NAP1L4: variants seen among roughly 807,000 people sequenced by gnomAD.
The protein encoded by NAP1L4 is nucleosome assembly protein 1 like 4.
Under a neutral mutation model 58.2 loss-of-function variants are expected in NAP1L4, and 15 were observed. That is an observed-to-expected ratio of 0.26 (90% confidence interval 0.17 to 0.40). The LOEUF is 0.40. Among genes scored for constraint, NAP1L4 ranks in the 10% least tolerant of loss-of-function variants. The pLI, the probability that NAP1L4 is intolerant of heterozygous loss-of-function variation, is 1.00. For missense variants in NAP1L4, 384 were observed against 451.1 expected (o/e 0.85, Z 1.35); for synonymous variants, 171 against 155.6 (o/e 1.10, Z -0.74).
At chr11:2,972,833 T>C (rs779694770) in intron 4 of NAP1L4, among the ~76,000 whole-genome samples, 4 of 152,090 alleles carry the variant, frequency 2.6e-5, no homozygotes, top group African/African-American at 4.8e-5. Context: ...TAGCAAGGCA[T>C]GATGGTGTGC....
rs1009293147 is a variant in NAP1L4 at position 2,965,262 on chromosome 11, T to C, written c.535-511A>G. Among the ~76,000 whole-genome samples, 6 of 152,210 alleles carry C rather than the reference T, an allele frequency of 3.9e-5. No individual in the cohort carries two copies. In the South Asian group the frequency reaches 8.3e-4, roughly 21 times the overall value. On this transcript the variant is annotated intron_variant, in intron 7 of 15. Transcript: ENST00000380542. The stretch of plus-strand genomic sequence containing the variant: ...ATGGGGGCACCTCCTGAGAAACACA[T>C]TGTTAGGCAATTCGGCGTGTGTTCA...
At chr11:2,992,093 T>TGCCCCGACCAGAACGCG (rs1206756225) in intron 1 of NAP1L4, 161 bp downstream of exon 1, 2 of 151,234 alleles carry the variant, frequency 1.3e-5, no homozygotes, top group Non-Finnish European at 1.5e-5. Context: ...CGCCGCTGCC[T>TGCCCCGACCAGAACGCG]GCCCCGACCA....
At chr11:2,978,148 G>T in intron 3 of NAP1L4, 136 bp downstream of exon 3, 1 of 756,490 alleles carries the variant, frequency 1.3e-6, no homozygotes, top group South Asian at 1.8e-5. Context: ...ATGAGATACT[G>T]ATTTTTCATT....
At position 2,969,912 on chromosome 11, in the gene NAP1L4, A is replaced by G; in HGVS notation, c.425T>C (p.Val142Ala). The G allele has an allele frequency of 6.2e-7, 1 of 1,613,100 alleles. No individual in the cohort carries two copies. The highest frequency in any genetic ancestry group is 1.1e-5 in the South Asian group (1 of 90,820). The change falls in exon 7 of 16, where the codon GTC (valine) becomes GCC (alanine). Residue 142 changes from valine (V) to alanine (A), a missense_variant. By Grantham distance (64) the Val-to-Ala change is moderately conservative. This residue lies in a region of NAP1L4 where 296 missense variants were observed against 360.8 expected (regional missense o/e 0.82). Transcript: ENST00000380542. Reference sequence around the variant, plus strand: ...CGTTGCCGCTGCTTTTTCTGTGACGACTACTTTACTTTTCATGTCTCCCTA... The same window carrying G: ...CGTTGCCGCTGCTTTTTCTGTGACGGCTACTTTACTTTTCATGTCTCCCTA... ...KLAGDMKSKV[V>A]VTEKAAATAE...
At chr11:2,979,275 A>G in intron 1 of NAP1L4, 38 bp from the exon 2 acceptor site, 2 of 1,540,864 alleles carry the variant, frequency 1.3e-6, no homozygotes, top group Non-Finnish European at 1.8e-6. Flanking sequence ...TATATTCATA[A>G]GCAAAAATGT....
At chr11:2,985,457 A>T (rs1848563379) in intron 1 of NAP1L4, among the ~76,000 whole-genome samples, 1 of 152,260 alleles carries the variant, frequency 6.6e-6, no homozygotes, top group Non-Finnish European at 1.5e-5. Context: ...CACAGCCCGA[A>T]GACTCATCCA....
At chr11:2,970,858 CA>C (rs58552553) in intron 6 of NAP1L4, among the ~76,000 whole-genome samples, 39 of 110,460 alleles carry the variant, frequency 3.5e-4, no homozygotes, top group African/African-American at 8.3e-4. Context: ...ACCCCCCCCC[CA>C]AAAAAAAAAC....
intron 1 of NAP1L4, chr11:2,991,258 G>A (rs1209826022): frequency 2.4e-6 from 1 of 415,664 alleles, no homozygotes; most frequent in Admixed American, 2.6e-5. Flanking sequence ...AGAGAACTGT[G>A]GACGGTGGAA....
At position 2,959,652 on chromosome 11, in the gene NAP1L4, A is replaced by T; in HGVS notation, c.746+118T>A. Reference sequence around the variant, plus strand: ...TGAAATATACATCTACCAGGCTTTTAGGCTTTTAAGCAGACTCAAGACTGT... The same window carrying T: ...TGAAATATACATCTACCAGGCTTTTTGGCTTTTAAGCAGACTCAAGACTGT... On this transcript the variant is annotated intron_variant, in intron 9 of 15. Transcript: ENST00000380542. The surrounding 1 kb of genome is among the most constrained non-coding windows in gnomAD (Gnocchi z 4.9). 1.7e-6 allele frequency: 2 copies of T among 1,202,544 alleles called. No individual in the cohort carries two copies. The highest frequency in any genetic ancestry group is 2.3e-6 in the Non-Finnish European group (2 of 865,070). The allele number at this position is 1,202,544 out of a possible 1,614,324, so 74.5% of individuals were successfully genotyped here.
intron 1 of NAP1L4, chr11:2,991,266 G>C (rs1274098453): frequency 2.5e-6 from 1 of 407,266 alleles, no homozygotes; most frequent in Non-Finnish European, 5.1e-6. Context: ...GTGGACGGTG[G>C]AAAGTCTTAT....
rs1174785495 is a variant in NAP1L4, at chr11:2,946,790, G to A, written c.*33-1144C>T. Among the ~76,000 whole-genome samples, 11 of 152,196 alleles carry A rather than the reference G, an allele frequency of 7.2e-5. No homozygotes were observed. Among genetic ancestry groups the A allele is most frequent in the Non-Finnish European group, 1.5e-4 (10 of 68,032 alleles). ...AAAGAGCCTGGCCAAGACAAAACGAGGCTGACCAAAAACCCTCGCCATGTC... is the reference window on the plus strand; with the variant it reads ...AAAGAGCCTGGCCAAGACAAAACGAAGCTGACCAAAAACCCTCGCCATGTC... On this transcript the variant is annotated intron_variant, in intron 15 of 15. Coordinates refer to ENST00000380542, the MANE Select transcript of NAP1L4 (RefSeq NM_005969.4). This position sits in a 1 kb window ranked among gnomAD's most constrained non-coding sequence, Gnocchi z 4.8.
intron 3 of NAP1L4, 104 bp from the exon 4 acceptor site, chr11:2,976,227 A>T (rs1269817004): frequency 2.7e-6 from 2 of 739,934 alleles, no homozygotes; most frequent in Non-Finnish European, 4.4e-6. Context: ...CTAGATTTAC[A>T]TCTACTAATT....
chr11:2,955,684 T>G lies in NAP1L4; in HGVS notation c.915+60A>C. On this transcript the variant is annotated intron_variant, in intron 11 of 15. Transcript: ENST00000380542. The surrounding 1 kb of genome is among the most constrained non-coding windows in gnomAD (Gnocchi z 4.2). ...GGACTTTTTTTAACAAGTAGACAAGTAGACATTCACTCAGGAGAGACTTCA... is the reference window on the plus strand; with the variant it reads ...GGACTTTTTTTAACAAGTAGACAAGGAGACATTCACTCAGGAGAGACTTCA... The G allele has an allele frequency of 1.3e-6, 2 of 1,535,740 alleles. No homozygotes were observed. Among genetic ancestry groups the G allele is most frequent in the African/African-American group, 2.8e-5 (2 of 72,680 alleles).
In NAP1L4 at chr11:2,944,678, A is replaced by G. The variant is rs1338800909; in HGVS notation, c.*1001T>C. ...GACAGGATGAATGGTGGGGCCCCGC[A>G]ATGGGGCTACTGAGAAAGCAGGACT... On this transcript the variant is annotated 3_prime_UTR_variant, in exon 16 of 16. Transcript: ENST00000380542. The G allele has an allele frequency of 6.6e-6, 1 of 152,212 alleles. No individual in the cohort carries two copies. The highest frequency in any genetic ancestry group is 1.5e-5 in the Non-Finnish European group (1 of 68,032). 9.4% of individuals were successfully genotyped at this position (152,212 alleles called of 1,614,324 possible).
At chr11:2,988,998 T>A (rs2134032777) in intron 1 of NAP1L4, 1 of 152,292 alleles carries the variant, frequency 6.6e-6, no homozygotes, top group East Asian at 1.9e-4. Context: ...CCACAAACTA[T>A]TTCTTAAAAA....
intron 4 of NAP1L4, among the ~76,000 whole-genome samples, chr11:2,974,722 C>G (rs1392176657): frequency 1.3e-5 from 2 of 152,088 alleles, no homozygotes; most frequent in African/African-American, 4.8e-5. Flanking sequence ...ATGGCAAATC[C>G]CTGTCTCTAC....
Position 2,951,669 on chromosome 11 carries a change from G to A in NAP1L4, c.1065+111C>T, listed in dbSNP as rs118092312. On this transcript the variant is annotated intron_variant, in intron 13 of 15. Coordinates refer to ENST00000380542, the MANE Select transcript of NAP1L4 (RefSeq NM_005969.4). This position sits in a 1 kb window ranked among gnomAD's most constrained non-coding sequence, Gnocchi z 4.0. ...GAACATTCTTAGAATCAAAGACAGC[G>A]TCACAAAAAATGGGTTTAACACAGC... 0.016 allele frequency: 16,026 copies of A among 1,017,752 alleles called. 189 individuals are homozygous for A. Among genetic ancestry groups the A allele is most frequent in the South Asian group, 0.036 (2,681 of 74,332 alleles). 63.0% of individuals were successfully genotyped at this position (1,017,752 alleles called of 1,614,324 possible).
intron 1 of NAP1L4, among the ~76,000 whole-genome samples, chr11:2,982,711 A>G (rs1848399440): frequency 6.6e-6 from 1 of 152,222 alleles, no homozygotes; most frequent in African/African-American, 2.4e-5. Flanking sequence ...GGCTGTTTCT[A>G]CTTGCTCATT....
chr11:2,971,385 A>T lies in NAP1L4; in HGVS notation c.402+63T>A. 14 of 1,436,360 alleles carry T rather than the reference A, an allele frequency of 9.7e-6. No individual in the cohort carries two copies. The highest frequency in any genetic ancestry group is 1.8e-5 in the Admixed American group (1 of 55,742). 89.0% of individuals were successfully genotyped at this position (1,436,360 alleles called of 1,614,324 possible). A position where few individuals can be genotyped will look rare whatever the true frequency, so the allele number is the denominator to read the frequency against. The stretch of plus-strand genomic sequence containing the variant: ...AGTTTACTAGTCATTAAAAATCATT[A>T]AAAAATGCTTATTTTTAACAGTATT... On this transcript the variant is annotated intron_variant, in intron 6 of 15. Transcript: ENST00000380542. This position sits in a 1 kb window ranked among gnomAD's most constrained non-coding sequence, Gnocchi z 4.2.
Sources: allele counts gnomAD v4.1 joint callset (sites outside exome capture counted in the v4.1 genomes callset), GRCh38; gene constraint gnomAD v4.1.1; regional missense constraint gnomAD v4.1.1; non-coding constraint Gnocchi (gnomAD v3.1); transcripts MANE v1.5; gene names NCBI Gene and HGNC (gene_info 2026-07-23, HGNC 2026-07-21).